The following RBFOX1 variants were observed in gnomAD, a reference collection of about 807,000 sequenced individuals.
The protein encoded by RBFOX1 is RNA binding fox-1 homolog 1, also known as RNA binding protein fox-1 homolog 1.
Under a neutral mutation model 57.7 loss-of-function variants are expected in RBFOX1, and 8 were observed. The observed-to-expected ratio is 0.14, with a 90% CI of 0.08 to 0.25. RBFOX1 has a LOEUF of 0.25. Ranked by LOEUF, RBFOX1 falls within the 10% of genes least tolerant of loss-of-function variation. The pLI is 1.00. For missense variants in RBFOX1, 611 were observed against 548.5 expected (o/e 1.11, Z -1.14); for synonymous variants, 326 against 222.4 (o/e 1.47, Z -4.15).
intron 1 of RBFOX1, among the ~76,000 whole-genome samples, chr16:6,254,323 T>C (rs967619540): frequency 6.6e-6 from 1 of 152,162 alleles, no homozygotes; most frequent in Non-Finnish European, 1.5e-5. Flanking sequence ...TATAAATATC[T>C]ATCTACATAA....
At chr16:6,259,737 C>A (rs934985698) in intron 1 of RBFOX1, among the ~76,000 whole-genome samples, 1 of 152,206 alleles carries the variant, frequency 6.6e-6, no homozygotes, top group East Asian at 1.9e-4. Flanking sequence ...GCGGATGGAT[C>A]ACCTGAGGTC....
At chr16:6,720,783 G>A (rs983432444) in intron 3 of RBFOX1, among the ~76,000 whole-genome samples, 1 of 152,138 alleles carries the variant, frequency 6.6e-6, no homozygotes, top group Non-Finnish European at 1.5e-5. Flanking sequence ...CTTCAAATAG[G>A]TGATAAAGTA....
chr16:6,219,836 A>G (rs1161029766), intron 1 of RBFOX1, among the ~76,000 whole-genome samples: 3 of 152,318 alleles, frequency 2.0e-5, no homozygotes, highest in South Asian at 2.1e-4. Flanking sequence ...AGATTATGCT[A>G]TCGTGCTCCA....
intron 3 of RBFOX1, among the ~76,000 whole-genome samples, chr16:6,758,073 A>G (rs924011998): frequency 1.3e-5 from 2 of 152,194 alleles, no homozygotes; most frequent in African/African-American, 4.8e-5. Flanking sequence ...TACCAATAAG[A>G]AGGATCAGGA....
At chr16:5,573,653 C>A (rs1286534540) in intron 2 of RBFOX1, among the ~76,000 whole-genome samples, 1 of 152,156 alleles carries the variant, frequency 6.6e-6, no homozygotes, top group African/African-American at 2.4e-5. Flanking sequence ...TCCAGGCATC[C>A]CAAGGCTCCT....
chr16:7,446,532 A>T (rs2098808975), intron 4 of RBFOX1, among the ~76,000 whole-genome samples: 1 of 152,250 alleles, frequency 6.6e-6, no homozygotes, highest in South Asian at 2.1e-4. Context: ...GGGAAGATTG[A>T]TGTTAATTGC....
chr16:6,425,564 A>G (rs2093901714), intron 2 of RBFOX1, among the ~76,000 whole-genome samples: 1 of 152,150 alleles, frequency 6.6e-6, no homozygotes, highest in Admixed American at 6.5e-5. Flanking sequence ...GTTCCTACCA[A>G]AGAAAAACAA....
chr16:6,871,142 T>A (rs2060797249), intron 3 of RBFOX1, among the ~76,000 whole-genome samples: 1 of 152,244 alleles, frequency 6.6e-6, no homozygotes. Context: ...CTTTCTTTTG[T>A]TTTTGAATAA....
downstream of RBFOX1, among the ~76,000 whole-genome samples, chr16:5,604,162 T>C (rs775595550): frequency 3.3e-5 from 5 of 152,202 alleles, no homozygotes; most frequent in Non-Finnish European, 7.3e-5. Flanking sequence ...GAGCCATATT[T>C]CAAAACCCCT....
intron 4 of RBFOX1, among the ~76,000 whole-genome samples, chr16:7,485,798 C>T (rs778585761): frequency 7.9e-5 from 12 of 152,224 alleles, no homozygotes; most frequent in Non-Finnish European, 1.0e-4. Flanking sequence ...TCTTCTGTGG[C>T]TCTCCGAGTC....
chr16:7,507,226 T>G (rs1482233897), intron 4 of RBFOX1, among the ~76,000 whole-genome samples: 1 of 152,136 alleles, frequency 6.6e-6, no homozygotes, highest in African/African-American at 2.4e-5. Context: ...ATTTATTTAT[T>G]TTTACCCCAA....
chr16:7,580,020 G>C, intron 6 of RBFOX1, 100 bp downstream of exon 6: 1 of 1,308,706 alleles, frequency 7.6e-7, no homozygotes, highest in Non-Finnish European at 1.1e-6. Context: ...AAGGTTAGAT[G>C]TTTGTATGGG....
chr16:6,892,118 A>G (rs1264048222), intron 3 of RBFOX1, among the ~76,000 whole-genome samples: 2 of 152,058 alleles, frequency 1.3e-5, no homozygotes, highest in South Asian at 2.1e-4. Flanking sequence ...ACTCTTACCC[A>G]AGTCCCCAAA....
At chr16:6,973,104 C>T (rs994451665) in intron 3 of RBFOX1, among the ~76,000 whole-genome samples, 1 of 150,068 alleles carries the variant, frequency 6.7e-6, no homozygotes, top group East Asian at 2.0e-4. Context: ...GCACTCCAGC[C>T]TGGGTGACGG....
chr16:7,127,311 G>C (rs1314839382), intron 4 of RBFOX1, among the ~76,000 whole-genome samples: 1 of 152,090 alleles, frequency 6.6e-6, no homozygotes, highest in East Asian at 1.9e-4. Flanking sequence ...GTGTTTGCTT[G>C]GTCTCAAGAG....
At chr16:7,465,260 A>C (rs2060299417) in intron 4 of RBFOX1, among the ~76,000 whole-genome samples, 1 of 152,182 alleles carries the variant, frequency 6.6e-6, no homozygotes, top group Non-Finnish European at 1.5e-5. Context: ...TGATAAGCCC[A>C]ATTGAAGTAC....
chr16:5,883,327 A>G (rs537271637), intron 4 of RBFOX1, among the ~76,000 whole-genome samples: 1 of 152,216 alleles, frequency 6.6e-6, no homozygotes, highest in South Asian at 2.1e-4. Context: ...TTACCCCGAA[A>G]GAGAAAACAA....
intron 3 of RBFOX1, among the ~76,000 whole-genome samples, chr16:5,835,818 A>G (rs1047043038): frequency 3.9e-5 from 6 of 152,122 alleles, no homozygotes; most frequent in African/African-American, 9.7e-5. Context: ...CTGGGGGACA[A>G]TTGATTACGA....
At chr16:7,466,215 A>G (rs1341419038) in intron 4 of RBFOX1, among the ~76,000 whole-genome samples, 4 of 152,244 alleles carry the variant, frequency 2.6e-5, no homozygotes, top group Non-Finnish European at 5.9e-5. Context: ...AAGGAGATTT[A>G]TAGAACAACA....
Sources: gnomAD v4.1 joint callset for allele counts (sites outside exome capture counted in the v4.1 genomes callset) on GRCh38, gnomAD v4.1.1 for gene constraint, MANE v1.5 for transcripts, NCBI Gene and HGNC (gene_info 2026-07-23, HGNC 2026-07-21) for gene names.